BBS12: variants seen among roughly 807,000 people sequenced by gnomAD.
The protein encoded by BBS12 is chaperonin-containing T-complex member BBS12.
A neutral mutation model predicts 5.6 loss-of-function variants in BBS12; 5 were observed. The ratio of observed to expected loss-of-function variants is 0.89; its 90% confidence interval spans 0.46 to 1.86. The LOEUF is 1.86. BBS12 is among the 40% of genes most tolerant of loss of function. The pLI is 0.01. For missense variants in BBS12, 748 were observed against 830.4 expected, an observed-to-expected ratio of 0.90 and a Z score of 1.22; for synonymous variants, 308 against 306.8, an observed-to-expected ratio of 1.00 and a Z score of -0.04.
the BBS12 span, among the ~76,000 whole-genome samples, chr4:122,716,690 T>TATGCACATACACACAC: frequency 2.8e-3 from 205 of 73,544 alleles, 17 homozygotes; most frequent in Middle Eastern, 9.6e-3. Flanking sequence ...TACACATATG[T>TATGCACATACACACAC]GTATGTGTGT....
At chr4:122,727,616 C>A in the BBS12 span, among the ~76,000 whole-genome samples, 1 of 133,212 alleles carries the variant, frequency 7.5e-6, no homozygotes, top group Non-Finnish European at 1.5e-5. Flanking sequence ...TGCAATGATG[C>A]GATCTCTGCT....
chr4:122,734,951 G>A (rs1306235550), intron 1 of BBS12, among the ~76,000 whole-genome samples: 1 of 152,054 alleles, frequency 6.6e-6, no homozygotes, highest in Non-Finnish European at 1.5e-5. Context: ...TGTATTTAAT[G>A]TTTTCTATAT....
chr4:122,707,054 C>CTCTCTTTTTT, the BBS12 span, among the ~76,000 whole-genome samples: 3 of 72,254 alleles, frequency 4.2e-5, no homozygotes, highest in East Asian at 7.0e-4. Flanking sequence ...CTCTCTCTCT[C>CTCTCTTTTTT]TTTTTTTTTT....
the BBS12 span, among the ~76,000 whole-genome samples, chr4:122,716,626 CACATATGTATAT>C: frequency 1.4e-3 from 126 of 93,182 alleles, 9 homozygotes; most frequent in Middle Eastern, 6.6e-3. Context: ...TATGCACATA[CACATATGTATAT>C]ACACACGTGT....
rs1553941469 is a variant in BBS12, at chr4:122,743,307, CCTT to C, written c.1418_1420del (p.Phe473del). Reference sequence around the variant, plus strand: ...TGTGTGGGCGACGGGGTCTGCGTGACCTTCTGGAGAAGCAGCCCTTTGGATGTT... The same window carrying C: ...TGTGTGGGCGACGGGGTCTGCGTGACCTGGAGAAGCAGCCCTTTGGATGTT... On this transcript the variant is annotated inframe_deletion, in exon 2 of 2. Transcript: ENST00000314218. 6.2e-7 allele frequency: 1 copy of C among 1,614,152 alleles called. No homozygotes were observed. Among genetic ancestry groups the C allele is most frequent in the Non-Finnish European group, 8.5e-7 (1 of 1,180,016 alleles).
the BBS12 span, among the ~76,000 whole-genome samples, chr4:122,703,077 C>T: frequency 6.6e-6 from 1 of 152,210 alleles, no homozygotes; most frequent in Non-Finnish European, 1.5e-5. Context: ...ATTCTCTCCT[C>T]TTGCAATCCT....
chr4:122,724,598 T>A, the BBS12 span, among the ~76,000 whole-genome samples: 1,174 of 152,294 alleles, frequency 7.7e-3, 12 homozygotes, highest in African/African-American at 0.026. Context: ...ATAAAATTTA[T>A]AAATTTCAAC....
chr4:122,716,539 A>G, the BBS12 span, among the ~76,000 whole-genome samples: 1 of 149,896 alleles, frequency 6.7e-6, no homozygotes, highest in African/African-American at 2.4e-5. Flanking sequence ...TTATATATAC[A>G]TATGTGTATA....
chr4:122,706,321 A>G, the BBS12 span, among the ~76,000 whole-genome samples: 2 of 152,192 alleles, frequency 1.3e-5, no homozygotes, highest in Non-Finnish European at 2.9e-5. Flanking sequence ...CCTAAGACGA[A>G]TTCTCCATCT....
At chr4:122,703,628 C>G in the BBS12 span, among the ~76,000 whole-genome samples, 1 of 152,156 alleles carries the variant, frequency 6.6e-6, no homozygotes, top group Admixed American at 6.5e-5. Context: ...TCCCATAGTA[C>G]CTCCCTTGGT....
At chr4:122,733,796 A>G (rs990417036) in intron 1 of BBS12, 4 of 151,858 alleles carry the variant, frequency 2.6e-5, no homozygotes, top group Non-Finnish European at 5.9e-5. Flanking sequence ...TCTAGAGGAA[A>G]TATTTTCTAA....
chr4:122,740,554 G>A (rs1318663686), intron 1 of BBS12, among the ~76,000 whole-genome samples: 4 of 152,190 alleles, frequency 2.6e-5, no homozygotes, highest in Non-Finnish European at 4.4e-5. Flanking sequence ...GGAGTTCCTT[G>A]AGGGCAGAGT....
the BBS12 span, among the ~76,000 whole-genome samples, chr4:122,708,613 A>G: frequency 1.3e-5 from 2 of 152,184 alleles, no homozygotes; most frequent in African/African-American, 4.8e-5. Context: ...AATGTCTTCT[A>G]AAATTTGGGA....
chr4:122,703,404 T>A, the BBS12 span, among the ~76,000 whole-genome samples: 1 of 152,010 alleles, frequency 6.6e-6, no homozygotes, highest in Non-Finnish European at 1.5e-5. Flanking sequence ...AAGCCAAGGG[T>A]AGTGGTGAAT....
chr4:122,738,575 G>C (rs1332471813), intron 1 of BBS12, among the ~76,000 whole-genome samples: 1 of 152,128 alleles, frequency 6.6e-6, no homozygotes, highest in Non-Finnish European at 1.5e-5. Flanking sequence ...AGTGGAAACT[G>C]ACTTACAGAA....
the BBS12 span, among the ~76,000 whole-genome samples, chr4:122,704,619 G>A: frequency 3.0e-4 from 45 of 152,236 alleles, 1 homozygote; most frequent in East Asian, 1.9e-4. Flanking sequence ...CATTTTCTCC[G>A]TTTTGCTGGC....
chr4:122,708,601 T>A, the BBS12 span, among the ~76,000 whole-genome samples: 26 of 152,314 alleles, frequency 1.7e-4, no homozygotes, highest in Non-Finnish European at 2.8e-4. Context: ...AAAATTTTTT[T>A]AAATGTCTTC....
the BBS12 span, among the ~76,000 whole-genome samples, chr4:122,717,626 C>T: frequency 6.6e-6 from 1 of 152,140 alleles, no homozygotes; most frequent in Non-Finnish European, 1.5e-5. Context: ...ACCACCTGGG[C>T]TCAGGCAATC....
At chr4:122,730,655 T>C (rs979187246), upstream of BBS12, 3 of 152,216 alleles carry the variant, frequency 2.0e-5, no homozygotes, top group Admixed American at 6.6e-5. Flanking sequence ...AAAATGTAAA[T>C]ATATGAAATA....
Sources: allele counts gnomAD v4.1 joint callset (sites outside exome capture counted in the v4.1 genomes callset), GRCh38; gene constraint gnomAD v4.1.1; transcripts MANE v1.5; gene names NCBI Gene and HGNC (gene_info 2026-07-23, HGNC 2026-07-21).